SMCO2: variants seen among roughly 807,000 people sequenced by gnomAD.
The protein encoded by SMCO2 is single-pass membrane protein with coiled-coil domains 2, also known as single-pass membrane and coiled-coil domain-containing protein 2.
In SMCO2, 25 loss-of-function variants were observed where a neutral mutation model predicts 29.5. That is an observed-to-expected ratio of 0.85 (90% CI 0.62 to 1.18). SMCO2 has a LOEUF of 1.18. SMCO2 is among the 50% of genes most tolerant of loss of function. SMCO2 has a pLI of 0.00. For missense variants in SMCO2, 348 were observed against 344.5 expected, an observed-to-expected ratio of 1.01 and a Z score of -0.08; for synonymous variants, 117 against 123.3, an observed-to-expected ratio of 0.95 and a Z score of 0.34.
chr12:27,423,324 C>CTTTTTTTTTTTTTTTTTTTT, the SMCO2 span: 1 of 85,930 alleles, frequency 1.2e-5, no homozygotes. Flanking sequence ...CTTTTCTTTT[C>CTTTTTTTTTTTTTTTTTTTT]TTTTTTTTTT....
intron 2 of SMCO2, among the ~76,000 whole-genome samples, chr12:27,472,365 G>C (rs576686131): frequency 6.6e-6 from 1 of 152,210 alleles, no homozygotes; most frequent in East Asian, 1.9e-4. Context: ...AGGACAGCTG[G>C]CGGGGTGGAG....
chr12:27,440,048 A>G, the SMCO2 span, among the ~76,000 whole-genome samples: 1 of 152,166 alleles, frequency 6.6e-6, no homozygotes, highest in African/African-American at 2.4e-5. Flanking sequence ...AAGGCATTTA[A>G]TGGTCAAATT....
the SMCO2 span, among the ~76,000 whole-genome samples, chr12:27,459,940 AC>A: frequency 6.6e-6 from 1 of 152,210 alleles, no homozygotes; most frequent in African/African-American, 2.4e-5. Flanking sequence ...TTGGGCTAAA[AC>A]CTCAGGATTC....
At chr12:27,424,200 GTTA>G in the SMCO2 span, 1 of 152,094 alleles carries the variant, frequency 6.6e-6, no homozygotes, top group Non-Finnish European at 1.5e-5. Flanking sequence ...ATATTAAGTG[GTTA>G]TTATTGAAGT....
At chr12:27,488,769 C>T (rs371572) in intron 5 of SMCO2, among the ~76,000 whole-genome samples, 2 of 152,014 alleles carry the variant, frequency 1.3e-5, no homozygotes, top group East Asian at 1.9e-4. Context: ...TCGGCTACCA[C>T]GAAACTCTAT....
chr12:27,475,093 A>G (rs925835471), intron 4 of SMCO2, among the ~76,000 whole-genome samples, 180 bp downstream of exon 4: 1 of 152,216 alleles, frequency 6.6e-6, no homozygotes, highest in African/African-American at 2.4e-5. Flanking sequence ...GTGTAAGGAC[A>G]TTTTAGGGAT....
the SMCO2 span, among the ~76,000 whole-genome samples, chr12:27,454,823 G>C: frequency 6.6e-6 from 1 of 152,156 alleles, no homozygotes. Context: ...AGAACATGTG[G>C]TGTTTGGTTT....
chr12:27,469,359 C>T (rs758463103), intron 1 of SMCO2, among the ~76,000 whole-genome samples: 2 of 152,206 alleles, frequency 1.3e-5, no homozygotes, highest in Admixed American at 6.5e-5. Flanking sequence ...TTCTCTTTCA[C>T]AGGGGCCCCT....
At chr12:27,475,014 C>A in intron 4 of SMCO2, 101 bp downstream of exon 4, 2 of 1,385,542 alleles carry the variant, frequency 1.4e-6, no homozygotes, top group East Asian at 2.5e-5. Flanking sequence ...ATTTAAAATC[C>A]ATACATGTCT....
At chr12:27,434,678 G>T in the SMCO2 span, among the ~76,000 whole-genome samples, 1 of 152,150 alleles carries the variant, frequency 6.6e-6, no homozygotes, top group African/African-American at 2.4e-5. Flanking sequence ...ATACTGCAAA[G>T]TTGACTAGTA....
intron 7 of SMCO2, among the ~76,000 whole-genome samples, chr12:27,501,478 A>T (rs1161354839): frequency 2.0e-5 from 3 of 149,804 alleles, no homozygotes; most frequent in African/African-American, 7.5e-5. Context: ...CTATTATTTT[A>T]CAAATAAAAG....
chr12:27,483,412 C>T (rs1488162271), intron 4 of SMCO2, among the ~76,000 whole-genome samples: 1 of 151,918 alleles, frequency 6.6e-6, no homozygotes, highest in Non-Finnish European at 1.5e-5. Context: ...ATTTCTTTAT[C>T]CTTCTCTTTG....
chr12:27,472,107 T>TTAAAAAC (rs2135546191), intron 2 of SMCO2, among the ~76,000 whole-genome samples: 1 of 152,290 alleles, frequency 6.6e-6, no homozygotes, highest in East Asian at 1.9e-4. Context: ...TATTGCCATT[T>TTAAAAAC]TAAAAACGAA....
chr12:27,482,432 CT>C (rs1425025128), intron 4 of SMCO2, among the ~76,000 whole-genome samples: 2 of 152,188 alleles, frequency 1.3e-5, no homozygotes, highest in Non-Finnish European at 2.9e-5. Flanking sequence ...TCTCGAGCAG[CT>C]GGGATTACAG....
At chr12:27,444,480 G>A in the SMCO2 span, among the ~76,000 whole-genome samples, 2 of 152,086 alleles carry the variant, frequency 1.3e-5, no homozygotes, top group African/African-American at 2.4e-5. Flanking sequence ...GGCCATCAAA[G>A]CAAAAATAGA....
the SMCO2 span, among the ~76,000 whole-genome samples, chr12:27,448,962 GA>G: frequency 1.3e-5 from 2 of 152,190 alleles, no homozygotes; most frequent in Admixed American, 6.5e-5. Context: ...TGAAAGAGGA[GA>G]AAGAGAAGGC....
At chr12:27,473,166 A>T (rs1759142359) in intron 3 of SMCO2, 1 of 326,842 alleles carries the variant, frequency 3.1e-6, no homozygotes, top group Non-Finnish European at 5.8e-6. Context: ...AATAACTGTG[A>T]CATTTCTCAC....
At chr12:27,493,427 G>A (rs1345317536) in intron 5 of SMCO2, among the ~76,000 whole-genome samples, 1 of 152,056 alleles carries the variant, frequency 6.6e-6, no homozygotes, top group African/African-American at 2.4e-5. Flanking sequence ...AACTACTCAG[G>A]AGACTGAAGT....
chr12:27,463,255 ATTTCTTTATGTC>A (rs1419291704), upstream of SMCO2, among the ~76,000 whole-genome samples: 2 of 151,838 alleles, frequency 1.3e-5, no homozygotes, highest in Non-Finnish European at 2.9e-5. Context: ...TACCATCTTT[ATTTCTTTATGTC>A]TTTCTTTATT....
Sources: allele counts gnomAD v4.1 joint callset (sites outside exome capture counted in the v4.1 genomes callset), GRCh38; gene constraint gnomAD v4.1.1; transcripts MANE v1.5; gene names NCBI Gene and HGNC (gene_info 2026-07-23, HGNC 2026-07-21).